The following IL15 variants were observed in gnomAD, a reference collection of about 807,000 sequenced individuals.
The protein encoded by IL15 is interleukin 15.
A neutral mutation model predicts 19.6 loss-of-function variants in IL15; 11 were observed. The observed-to-expected ratio is 0.56, with a 90% confidence interval of 0.35 to 0.93. IL15 has a LOEUF of 0.93. Ranked by LOEUF, IL15 falls within the 40% of genes least tolerant of loss-of-function variation. The pLI, the probability that IL15 is intolerant of heterozygous loss-of-function variation, is 0.01. For synonymous variants in IL15, 58 were observed against 59.6 expected (o/e 0.97, Z 0.12); for missense variants, 197 against 186.5 (o/e 1.06, Z -0.33).
At chr4:141,725,893 G>A (rs982607172) in intron 5 of IL15, among the ~76,000 whole-genome samples, 1 of 152,118 alleles carries the variant, frequency 6.6e-6, no homozygotes, top group South Asian at 2.1e-4. Context: ...CAAGGTTGAG[G>A]AGCCACATCT....
intron 2 of IL15, among the ~76,000 whole-genome samples, chr4:141,691,252 C>T (rs895407854): frequency 1.3e-5 from 2 of 152,172 alleles, no homozygotes; most frequent in African/African-American, 4.8e-5. Context: ...ATCCAATCAC[C>T]TCACACCAGA....
intron 1 of IL15, among the ~76,000 whole-genome samples, chr4:141,651,536 G>C (rs1402604803): frequency 6.6e-6 from 1 of 152,042 alleles, no homozygotes; most frequent in Admixed American, 6.6e-5. Flanking sequence ...CCTCTATGCA[G>C]TATAGCCATG....
chr4:141,721,459 G>C, intron 4 of IL15: 1 of 592,266 alleles, frequency 1.7e-6, no homozygotes, highest in Non-Finnish European at 3.2e-6. Context: ...AAAGGGGCAT[G>C]TTTAATGTAG....
At chr4:141,690,979 T>A (rs897292852) in intron 2 of IL15, among the ~76,000 whole-genome samples, 5 of 152,208 alleles carry the variant, frequency 3.3e-5, no homozygotes, top group Admixed American at 3.3e-4. Context: ...ATTTTTATCA[T>A]CTCTAGGATG....
chr4:141,690,177 C>T (rs1311424087), intron 2 of IL15, among the ~76,000 whole-genome samples: 1 of 152,218 alleles, frequency 6.6e-6, no homozygotes, highest in Non-Finnish European at 1.5e-5. Context: ...AGCCCATGCC[C>T]ACACGGAACT....
At chr4:141,664,327 T>G (rs1727891623) in intron 2 of IL15, among the ~76,000 whole-genome samples, 1 of 137,244 alleles carries the variant, frequency 7.3e-6, no homozygotes, top group African/African-American at 2.7e-5. Context: ...ATTAAAAAAA[T>G]TCTTTGGTGG....
At chr4:141,644,769 A>G (rs1727171424) in intron 1 of IL15, among the ~76,000 whole-genome samples, 1 of 152,140 alleles carries the variant, frequency 6.6e-6, no homozygotes, top group Admixed American at 6.6e-5. Context: ...CAAAAATAGG[A>G]CAATTGCTTT....
chr4:141,658,663 T>C (rs957077), intron 2 of IL15, among the ~76,000 whole-genome samples: 13,034 of 151,740 alleles, frequency 0.086, 772 homozygotes, highest in Admixed American at 0.21. Flanking sequence ...TAAAGGACTT[T>C]AAGGAAATTG....
chr4:141,729,749 T>C, intron 6 of IL15, 98 bp from the exon 7 acceptor site: 1 of 696,784 alleles, frequency 1.4e-6, no homozygotes, highest in South Asian at 1.9e-5. Flanking sequence ...TGTATCTTTA[T>C]AAAATATTTG....
intron 2 of IL15, among the ~76,000 whole-genome samples, chr4:141,658,861 ATTT>A (rs5862540): frequency 3.7e-5 from 5 of 136,676 alleles, no homozygotes; most frequent in Non-Finnish European, 4.7e-5. Flanking sequence ...GTTTCTTGGA[ATTT>A]TTTTTTTTTT....
intron 1 of IL15, among the ~76,000 whole-genome samples, chr4:141,647,065 G>C (rs905806967): frequency 6.6e-6 from 1 of 152,094 alleles, no homozygotes; most frequent in African/African-American, 2.4e-5. Context: ...TTTCAAGGAA[G>C]ATTTGATATA....
At chr4:141,732,645 A>T in intron 7 of IL15, 93 bp from the exon 8 acceptor site, 1 of 1,507,174 alleles carries the variant, frequency 6.6e-7, no homozygotes, top group Non-Finnish European at 8.9e-7. Context: ...AGACCTCACC[A>T]TATGGTTCAA....
intron 2 of IL15, among the ~76,000 whole-genome samples, chr4:141,671,366 G>T (rs184664994): frequency 2.0e-5 from 3 of 152,266 alleles, no homozygotes; most frequent in Admixed American, 2.0e-4. Flanking sequence ...TTGACTGAGG[G>T]ATTTCTGGAT....
chr4:141,728,946 TTTTAGATTTTAGAAG>T (rs1730360221), intron 6 of IL15, among the ~76,000 whole-genome samples: 1 of 152,136 alleles, frequency 6.6e-6, no homozygotes, highest in Non-Finnish European at 1.5e-5. Context: ...AGATTTTAGA[TTTTAGATTTTAGAAG>T]TTTAGATTTT....
chr4:141,682,574 T>C (rs1728567601), intron 2 of IL15, among the ~76,000 whole-genome samples: 1 of 152,192 alleles, frequency 6.6e-6, no homozygotes, highest in Non-Finnish European at 1.5e-5. Flanking sequence ...GAGACTTTTT[T>C]CTCTTTAGTT....
chr4:141,649,861 A>G (rs1368890857), intron 1 of IL15, among the ~76,000 whole-genome samples: 3 of 152,086 alleles, frequency 2.0e-5, no homozygotes, highest in Admixed American at 2.0e-4. Context: ...AAGAATAAAA[A>G]TAGATTGGAT....
chr4:141,676,680 T>C (rs1728361176), intron 2 of IL15, among the ~76,000 whole-genome samples: 1 of 152,032 alleles, frequency 6.6e-6, no homozygotes, highest in African/African-American at 2.4e-5. Context: ...AATAAATTCC[T>C]ACTGGAGAAA....
At chr4:141,705,311 T>G (rs986597974) in intron 2 of IL15, among the ~76,000 whole-genome samples, 2 of 151,984 alleles carry the variant, frequency 1.3e-5, no homozygotes, top group African/African-American at 4.8e-5. Flanking sequence ...GAAATTTTTT[T>G]TCACTTTTAC....
intron 2 of IL15, among the ~76,000 whole-genome samples, chr4:141,689,414 G>T (rs552225493): frequency 2.0e-5 from 3 of 152,262 alleles, no homozygotes; most frequent in Non-Finnish European, 2.9e-5. Context: ...CACCAGATTA[G>T]CTAGATGCAG....
Sources: gnomAD v4.1 joint callset for allele counts (sites outside exome capture counted in the v4.1 genomes callset) on GRCh38, gnomAD v4.1.1 for gene constraint, MANE v1.5 for transcripts, NCBI Gene and HGNC (gene_info 2026-07-23, HGNC 2026-07-21) for gene names.